Variants in NXPE2 observed in about 807,000 individuals in gnomAD.
NXPE2 encodes NXPE family member 2.
A neutral mutation model predicts 34.4 loss-of-function variants in NXPE2; 34 were observed. The ratio of observed to expected loss-of-function variants is 0.99; its 90% CI spans 0.75 to 1.31. The LOEUF is 1.31. Ranked by LOEUF, NXPE2 falls within the 40% of genes most tolerant of loss-of-function variation. The pLI, the probability that NXPE2 is intolerant of heterozygous loss-of-function variation, is 0.00. For synonymous variants in NXPE2, 235 were observed against 231.3 expected, an observed-to-expected ratio of 1.02 and a Z score of -0.15; for missense variants, 649 against 672.5, an observed-to-expected ratio of 0.97 and a Z score of 0.39.
the NXPE2 span, among the ~76,000 whole-genome samples, chr11:114,572,268 A>G: frequency 6.6e-6 from 1 of 152,148 alleles, no homozygotes; most frequent in East Asian, 1.9e-4. Flanking sequence ...CAAAATGAGA[A>G]GAAACCCCAA....
At chr11:114,795,699 C>A in the NXPE2 span, among the ~76,000 whole-genome samples, 15 of 152,196 alleles carry the variant, frequency 9.9e-5, no homozygotes, top group Non-Finnish European at 2.1e-4. Flanking sequence ...TAGGATGGTG[C>A]CCTTGCTGGC....
At chr11:114,705,118 G>A (rs1591446132) in intron 4 of NXPE2, among the ~76,000 whole-genome samples, 1 of 152,120 alleles carries the variant, frequency 6.6e-6, no homozygotes, top group African/African-American at 2.4e-5. Flanking sequence ...TTACCTGGGG[G>A]AAAACTCAAT....
At chr11:114,535,615 A>T in the NXPE2 span, among the ~76,000 whole-genome samples, 1 of 152,226 alleles carries the variant, frequency 6.6e-6, no homozygotes, top group Non-Finnish European at 1.5e-5. Flanking sequence ...AAAACAAAAA[A>T]ATGCAGGGAT....
the NXPE2 span, among the ~76,000 whole-genome samples, chr11:114,811,241 C>T: frequency 9.9e-5 from 15 of 151,028 alleles, no homozygotes; most frequent in Admixed American, 2.0e-4. Flanking sequence ...TGCTAAATGA[C>T]GAGTTAGTGG....
At chr11:114,596,381 G>T in the NXPE2 span, among the ~76,000 whole-genome samples, 2 of 152,178 alleles carry the variant, frequency 1.3e-5, no homozygotes, top group Non-Finnish European at 2.9e-5. Flanking sequence ...GTAGCTGCTG[G>T]CCCTGTGGCT....
At chr11:114,639,300 C>T in the NXPE2 span, among the ~76,000 whole-genome samples, 18 of 152,152 alleles carry the variant, frequency 1.2e-4, no homozygotes, top group East Asian at 2.9e-3. Context: ...CCTGGTGCAC[C>T]GTTCCTTAAG....
chr11:114,795,583 T>C, the NXPE2 span, among the ~76,000 whole-genome samples: 1 of 152,212 alleles, frequency 6.6e-6, no homozygotes, highest in Non-Finnish European at 1.5e-5. Context: ...ATTCTGATAA[T>C]AGCATTCACA....
chr11:114,775,145 G>A, the NXPE2 span, among the ~76,000 whole-genome samples: 17 of 152,190 alleles, frequency 1.1e-4, no homozygotes, highest in Non-Finnish European at 2.1e-4. Context: ...AGGGGACGCT[G>A]GGTGCACCTA....
At chr11:114,486,078 C>T in the NXPE2 span, among the ~76,000 whole-genome samples, 1 of 152,136 alleles carries the variant, frequency 6.6e-6, no homozygotes, top group East Asian at 1.9e-4. Context: ...AACTGTTCTT[C>T]ATAGTGGTTG....
At chr11:114,543,105 A>T in the NXPE2 span, among the ~76,000 whole-genome samples, 1 of 151,884 alleles carries the variant, frequency 6.6e-6, no homozygotes, top group Non-Finnish European at 1.5e-5. Context: ...TACATAAAGA[A>T]ATCACTTTGG....
chr11:114,754,602 A>G, the NXPE2 span, among the ~76,000 whole-genome samples: 1 of 152,146 alleles, frequency 6.6e-6, no homozygotes, highest in Non-Finnish European at 1.5e-5. Flanking sequence ...AGCTTTCCAG[A>G]AGGCTGTGTT....
chr11:114,640,875 T>C, the NXPE2 span, among the ~76,000 whole-genome samples: 1 of 152,066 alleles, frequency 6.6e-6, no homozygotes, highest in Admixed American at 6.6e-5. Flanking sequence ...AATGTGTAGG[T>C]TACAAATATT....
chr11:114,744,534 C>T, the NXPE2 span, among the ~76,000 whole-genome samples: 41 of 152,116 alleles, frequency 2.7e-4, 1 homozygote, highest in East Asian at 3.9e-4. Context: ...CTTGGCTGGG[C>T]GTGGTGGCTT....
the NXPE2 span, among the ~76,000 whole-genome samples, chr11:114,640,874 G>T: frequency 1.3e-5 from 2 of 151,920 alleles, no homozygotes; most frequent in Non-Finnish European, 2.9e-5. Context: ...AAATGTGTAG[G>T]TTACAAATAT....
At chr11:114,794,133 C>T in the NXPE2 span, among the ~76,000 whole-genome samples, 206 of 152,290 alleles carry the variant, frequency 1.4e-3, no homozygotes, top group Non-Finnish European at 2.5e-3. Flanking sequence ...GAGTCTCTCC[C>T]GTCGGCTCTC....
chr11:114,731,491 G>A, the NXPE2 span, among the ~76,000 whole-genome samples: 2 of 152,220 alleles, frequency 1.3e-5, no homozygotes, highest in African/African-American at 4.8e-5. Flanking sequence ...TTAAGTGGAT[G>A]AAGGGTTAAA....
chr11:114,594,544 C>G, the NXPE2 span: 7 of 683,012 alleles, frequency 1.0e-5, no homozygotes, highest in Non-Finnish European at 1.6e-5. Flanking sequence ...TGTTTGGTAT[C>G]TAGCTATTCA....
At chr11:114,532,844 A>C in the NXPE2 span, among the ~76,000 whole-genome samples, 1 of 152,196 alleles carries the variant, frequency 6.6e-6, no homozygotes, top group African/African-American at 2.4e-5. Context: ...TCTAGAGTGA[A>C]AAATCTTGTA....
chr11:114,765,965 A>T, the NXPE2 span, among the ~76,000 whole-genome samples: 2 of 151,938 alleles, frequency 1.3e-5, no homozygotes, highest in Admixed American at 1.3e-4. Flanking sequence ...TGTTTGAGTG[A>T]CTGGCCATCA....
Sources: allele counts gnomAD v4.1 joint callset (sites outside exome capture counted in the v4.1 genomes callset), GRCh38; gene constraint gnomAD v4.1.1; transcripts MANE v1.5; gene names NCBI Gene and HGNC (gene_info 2026-07-23, HGNC 2026-07-21).